ROBO4: variants seen among roughly 807,000 people sequenced by gnomAD.
ROBO4 encodes roundabout homolog 4.
Under a neutral mutation model 103.3 loss-of-function variants are expected in ROBO4, and 80 were observed. The observed-to-expected ratio is 0.77, with a 90% CI of 0.65 to 0.93. The LOEUF is 0.93. Ranked by LOEUF, ROBO4 falls within the 40% of genes least tolerant of loss-of-function variation. The pLI is 0.00. For synonymous variants in ROBO4, 504 were observed against 529.7 expected (o/e 0.95, Z 0.67); for missense variants, 1,333 against 1,305.3 (o/e 1.02, Z -0.33).
At chr11:124,896,146 C>T in intron 4 of ROBO4, 52 bp downstream of exon 4, 1 of 1,602,276 alleles carries the variant, frequency 6.2e-7, no homozygotes, top group Non-Finnish European at 8.5e-7. Flanking sequence ...AATACACCAC[C>T]CCAACTGGAG....
At chr11:124,894,583 C>T (rs2135377518) in intron 7 of ROBO4, 1 of 560,388 alleles carries the variant, frequency 1.8e-6, no homozygotes, top group Non-Finnish European at 3.1e-6. Context: ...GCTGCTAAAA[C>T]ACATGTAACA....
rs1438999535 is a variant in ROBO4, at chr11:124,895,927, G to A, written c.680-15C>T. On this transcript the variant is annotated splice_polypyrimidine_tract_variant and intron_variant, in intron 4 of 17. Transcript: ENST00000306534. ...GTCCTGGGGCTCTGTGGGGAGGATAGGGCTGGGCTGGGGCTTATAGGCCAG... is the reference window on the plus strand; with the variant it reads ...GTCCTGGGGCTCTGTGGGGAGGATAAGGCTGGGCTGGGGCTTATAGGCCAG... 2 of 1,612,628 alleles carry A rather than the reference G, an allele frequency of 1.2e-6. No homozygotes were observed. The highest frequency in any genetic ancestry group is 2.2e-5 in the South Asian group (2 of 91,032).
intron 1 of ROBO4, chr11:124,897,515 T>C: frequency 3.4e-6 from 2 of 580,528 alleles, no homozygotes; most frequent in Admixed American, 6.1e-5. Flanking sequence ...CTTTCTTTCT[T>C]TCTCTCTCAG....
rs755405569 is a variant in ROBO4 at position 124,886,701 on chromosome 11, C to T, written c.2557G>A (p.Gly853Arg). Residue 853 changes from glycine to arginine, a missense_variant, in exon 16 of 18, where the codon GGG becomes AGG. By Grantham distance (125) the Gly-to-Arg change is moderately radical (BLOSUM62 -2). Transcript: ENST00000306534. ...GRTGGGVGPK[G>R]GVLLCPPRPC... ...CGAGGTGGGCACAGCAAGACTCCCC[C>T]CTTGGGCCCCACCCCTCCTCCAGTC... 6.2e-7 allele frequency: 1 copy of T among 1,608,944 alleles called. No homozygotes were observed. The highest frequency in any genetic ancestry group is 1.3e-5 in the African/African-American group (1 of 74,856).
chr11:124,886,128 T>C (rs959064560), intron 16 of ROBO4, among the ~76,000 whole-genome samples: 1 of 152,164 alleles, frequency 6.6e-6, no homozygotes, highest in African/African-American at 2.4e-5. Flanking sequence ...GAGGCAGAGG[T>C]TGCAGTGAGC....
chr11:124,893,726 C>T lies in ROBO4; in HGVS notation c.1509G>A (p.Leu503=). The change falls in exon 10 of 18, where the codon CTG becomes CTA. Residue 503 remains leucine, a synonymous_variant. Coordinates refer to ENST00000306534, the MANE Select transcript of ROBO4 (RefSeq NM_019055.6). ...TGGCATCCTCACTGGTATATCTGTACAGACCTGGGAGAAGGCAGGAGGAAA... is the reference window on the plus strand; with the variant it reads ...TGGCATCCTCACTGGTATATCTGTATAGACCTGGGAGAAGGCAGGAGGAAA... ...RRARVHLGPG[L]YRYTSEDAIL... The T allele has an allele frequency of 6.2e-7, 1 of 1,614,020 alleles. No individual in the cohort carries two copies. Among genetic ancestry groups the T allele is most frequent in the East Asian group, 2.2e-5 (1 of 44,872 alleles).
intron 4 of ROBO4, 91 bp downstream of exon 4, chr11:124,896,107 C>G (rs889419263): frequency 6.4e-7 from 1 of 1,562,384 alleles, no homozygotes; most frequent in African/African-American, 1.4e-5. Context: ...GACCCTGACC[C>G]CACATACCTT....
At chr11:124,892,570 C>T (rs1031526438) in intron 10 of ROBO4, 1 of 156,866 alleles carries the variant, frequency 6.4e-6, no homozygotes, top group African/African-American at 2.4e-5. Flanking sequence ...GCTCTTCTCT[C>T]CATCCCCTTC....
In ROBO4 at chr11:124,894,235, A is replaced by G; in HGVS notation, c.1284T>C (p.Ala428=). 1 of 1,613,700 alleles carries G rather than the reference A, an allele frequency of 6.2e-7. No homozygotes were observed. The highest frequency in any genetic ancestry group is 1.1e-5 in the South Asian group (1 of 91,050). The change falls in exon 8 of 18, where the codon GCT becomes GCC. Residue 428 remains alanine (A), a synonymous_variant. Transcript: ENST00000306534. ...VQVAAVTGAG[A]GEPSRPVCLL... ...GGCAGACAGGTCTACTGGGCTCCCC[A>G]GCTCCAGCACCAGTGACTGCAGCCA...
At chr11:124,889,833 A>G (rs569822766) in intron 12 of ROBO4, among the ~76,000 whole-genome samples, 13 of 152,302 alleles carry the variant, frequency 8.5e-5, no homozygotes, top group Admixed American at 7.2e-4. Context: ...CCATAGCATG[A>G]TCTTGTTGCT....
intron 1 of ROBO4, 90 bp downstream of exon 1, chr11:124,897,636 C>T: frequency 8.6e-7 from 1 of 1,164,102 alleles, no homozygotes; most frequent in Non-Finnish European, 1.3e-6. Context: ...CCCCCCACTG[C>T]AAAAGGGAAG....
Position 124,884,667 on chromosome 11 carries a change from G to T in ROBO4, c.*224C>A. ...AGGAGAAAGCAGTGGCTAGGAGTCA[G>T]GTGGAGATGATGTTTTGCTCCCTGA... On this transcript the variant is annotated 3_prime_UTR_variant, in exon 18 of 18. Coordinates refer to ENST00000306534, the MANE Select transcript of ROBO4 (RefSeq NM_019055.6). The T allele has an allele frequency of 1.6e-6, 1 of 608,686 alleles. No individual in the cohort carries two copies. The highest frequency in any genetic ancestry group is 2.0e-5 in the South Asian group (1 of 50,304). The allele number at this position is 608,686 out of a possible 1,614,324, so 37.7% of individuals were successfully genotyped here.
chr11:124,893,680 C>T lies in ROBO4; in HGVS notation c.1547+8G>A. 2.5e-6 allele frequency: 4 copies of T among 1,613,872 alleles called. No individual in the cohort carries two copies. The highest frequency in any genetic ancestry group is 2.5e-6 in the Non-Finnish European group (3 of 1,179,774). Reference sequence around the variant, plus strand: ...CCCTTACTTCAGACCTCCCCTTTCACCTCTCACCTGTGTTTTAGGATGGCA... The same window carrying T: ...CCCTTACTTCAGACCTCCCCTTTCATCTCTCACCTGTGTTTTAGGATGGCA... On this transcript the variant is annotated splice_region_variant and intron_variant, in intron 10 of 17. Coordinates refer to ENST00000306534, the MANE Select transcript of ROBO4 (RefSeq NM_019055.6).
intron 16 of ROBO4, 29 bp from the exon 17 acceptor site, chr11:124,885,276 G>A (rs374615049): frequency 9.4e-6 from 15 of 1,589,620 alleles, no homozygotes; most frequent in Non-Finnish European, 1.3e-5. Context: ...GTGTCTGTGG[G>A]AGGTTGACCT....
chr11:124,887,374 G>A lies in ROBO4; in HGVS notation c.2182C>T (p.Gln728Ter), dbSNP rs1044113961. The A allele has an allele frequency of 6.2e-7, 1 of 1,614,022 alleles. No individual in the cohort carries two copies. Among genetic ancestry groups the A allele is most frequent in the Non-Finnish European group, 8.5e-7 (1 of 1,179,946 alleles). ...PLFPHETPPT[Q>*]SQQTQPPVAP... ...CCCTCTTACTGGGTCTGTTGACTCTGAGTTGGGGGAGTTTCATGAGGAAAG... is the reference window on the plus strand; with the variant it reads ...CCCTCTTACTGGGTCTGTTGACTCTAAGTTGGGGGAGTTTCATGAGGAAAG... The change falls in exon 14 of 18, where the codon CAG (glutamine) becomes TAG (stop). Residue 728 changes from glutamine to a stop codon, truncating the protein, a stop_gained. Transcript: ENST00000306534. LOFTEE classifies it high-confidence loss of function.
At chr11:124,888,782 C>G (rs1434104068) in intron 12 of ROBO4, among the ~76,000 whole-genome samples, 1 of 152,250 alleles carries the variant, frequency 6.6e-6, no homozygotes, top group East Asian at 1.9e-4. Flanking sequence ...CTTGGTCAGA[C>G]CAGAATGCAA....
In ROBO4 at chr11:124,886,573, G is replaced by A. The variant is rs943011483; in HGVS notation, c.2685C>T (p.Ser895=). ...CATCAGCGAGGAAGGAGCCATCGGA[G>A]GAGCTGACAAGGCTGGCTCTGGCGC... is the stretch of plus-strand genomic sequence containing the variant. ...AASARASLVS[S]SDGSFLADAH... is the part of the protein sequence containing the mutation. Residue 895 remains serine, a synonymous_variant, in exon 16 of 18, where the codon TCC becomes TCT. Transcript: ENST00000306534. 1.1e-5 allele frequency: 17 copies of A among 1,614,114 alleles called. No individual in the cohort carries two copies. Among genetic ancestry groups the A allele is most frequent in the Non-Finnish European group, 1.4e-5 (17 of 1,180,056 alleles).
rs201366848 is a variant in ROBO4, at chr11:124,891,700, C to T, written c.1650G>A (p.Ala550=). The T allele has an allele frequency of 8.7e-4, 1,403 of 1,614,168 alleles. 13 individuals carry two copies. In the South Asian group the frequency reaches 0.011, roughly 13 times the overall value. Reference sequence around the variant, plus strand: ...GACAGTCTAGTGGGTCCCGGGCATCCGCCCCCAGCCGACTGCTGAGGCTGC... The same window carrying T: ...GACAGTCTAGTGGGTCCCGGGCATCTGCCCCCAGCCGACTGCTGAGGCTGC... ...SSSSLSSRLG[A]DARDPLDCRR... is the part of the protein sequence containing the mutation. Residue 550 remains alanine, a synonymous_variant, in exon 11 of 18, where the codon GCG becomes GCA. Transcript: ENST00000306534.
intron 9 of ROBO4, 21 bp downstream of exon 9, chr11:124,893,839 G>A (rs1946835328): frequency 6.2e-7 from 1 of 1,612,920 alleles, no homozygotes; most frequent in Non-Finnish European, 8.5e-7. Context: ...GTATACATGT[G>A]GGTCCCCCTC....
Sources: gnomAD v4.1 joint callset for allele counts (sites outside exome capture counted in the v4.1 genomes callset) on GRCh38, gnomAD v4.1.1 for gene constraint, MANE v1.5 for transcripts, NCBI Gene and HGNC (gene_info 2026-07-23, HGNC 2026-07-21) for gene names.